Variants in NCALD observed in about 807,000 individuals in gnomAD.
The protein encoded by NCALD is neurocalcin-delta.
Under a neutral mutation model 18.6 loss-of-function variants are expected in NCALD, and 10 were observed. That is an observed-to-expected ratio of 0.54 (90% CI 0.33 to 0.91). The LOEUF (loss-of-function observed/expected upper bound fraction) is 0.91, where lower values mean the gene tolerates loss of function less well. Among genes scored for constraint, NCALD ranks in the 40% least tolerant of loss-of-function variants. The pLI is 0.03. For missense variants in NCALD, 184 were observed against 247.6 expected, an observed-to-expected ratio of 0.74 and a Z score of 1.72; for synonymous variants, 88 against 87.4, an observed-to-expected ratio of 1.01 and a Z score of -0.04.
At chr8:101,855,465 T>C (rs1815275790) in intron 4 of NCALD, among the ~76,000 whole-genome samples, 1 of 152,172 alleles carries the variant, frequency 6.6e-6, no homozygotes, top group South Asian at 2.1e-4. Flanking sequence ...GAGGATTTCA[T>C]GTGAGTGAGA....
rs1342011083 is a variant in NCALD at position 101,804,406 on chromosome 8, C to T, written c.-20+82735G>A. Among the ~76,000 whole-genome samples the T allele has an allele frequency of 1.6e-3, 185 of 113,216 alleles. 2 individuals carry two copies. The highest frequency in any genetic ancestry group is 7.0e-3 in the African/African-American group (179 of 25,604). The allele number at this position is 113,216 out of a possible 152,430, so 74.3% of individuals were successfully genotyped here. ...ACTATATATAGAAATATATATATTTCTAAATATATACTATTTATAACTGTA... is the reference window on the plus strand; with the variant it reads ...ACTATATATAGAAATATATATATTTTTAAATATATACTATTTATAACTGTA... On this transcript the variant is annotated intron_variant, in intron 4 of 6. Transcript: ENST00000311028.
At chr8:101,899,898 A>G (rs1457383579) in intron 3 of NCALD, among the ~76,000 whole-genome samples, 2 of 151,838 alleles carry the variant, frequency 1.3e-5, no homozygotes, top group African/African-American at 2.4e-5. Flanking sequence ...GAATTGGGAA[A>G]TATTTCCTCA....
intron 2 of NCALD, among the ~76,000 whole-genome samples, chr8:102,003,111 A>G (rs1821543876): frequency 6.6e-6 from 1 of 152,200 alleles, no homozygotes. Context: ...TGAAAAGATC[A>G]ACAAAATTGA....
At chr8:101,690,611 C>A (rs1814684411) in intron 3 of NCALD, 10 of 985,352 alleles carry the variant, frequency 1.0e-5, no homozygotes, top group Non-Finnish European at 1.2e-5. Flanking sequence ...ATCTTCTCCT[C>A]AGCCACAACT....
chr8:101,700,686 G>C (rs1409153730), intron 2 of NCALD, among the ~76,000 whole-genome samples: 2 of 152,122 alleles, frequency 1.3e-5, no homozygotes, highest in Non-Finnish European at 2.9e-5. Context: ...ATGAATGAAA[G>C]CTCAAGCAAG....
intron 1 of NCALD, among the ~76,000 whole-genome samples, chr8:102,084,905 C>T (rs921795119): frequency 6.6e-6 from 1 of 152,128 alleles, no homozygotes; most frequent in Admixed American, 6.6e-5. Context: ...CTGACTTTCC[C>T]GGTTGGGTTG....
In NCALD at chr8:102,045,428, G is replaced by A. The variant is rs546871812; in HGVS notation, c.-209-25139C>T. On this transcript the variant is annotated intron_variant, in intron 1 of 6. Transcript: ENST00000311028. ...GCTTATGAAAATGAAATTAGAAAAC[G>A]CTTACATTTTATTCTTTATTACATA... Among the ~76,000 whole-genome samples the A allele has an allele frequency of 3.0e-3, 460 of 152,162 alleles. 2 individuals are homozygous for A. Among genetic ancestry groups the A allele is most frequent in the Non-Finnish European group, 5.0e-3 (343 of 68,014 alleles).
At chr8:102,060,258 G>C (rs1307192450) in intron 1 of NCALD, among the ~76,000 whole-genome samples, 1 of 152,174 alleles carries the variant, frequency 6.6e-6, no homozygotes, top group Non-Finnish European at 1.5e-5. Flanking sequence ...TGGGATTACA[G>C]GCATGAGCCA....
chr8:102,024,550 C>T (rs765813923), intron 1 of NCALD, among the ~76,000 whole-genome samples: 16 of 152,190 alleles, frequency 1.1e-4, no homozygotes, highest in African/African-American at 1.7e-4. Context: ...CCTTCTCTTG[C>T]TATCCGTTTC....
intron 3 of NCALD, among the ~76,000 whole-genome samples, chr8:101,905,327 G>A (rs188818053): frequency 6.6e-6 from 1 of 151,294 alleles, no homozygotes; most frequent in African/African-American, 2.4e-5. Flanking sequence ...TTCCCTGGGG[G>A]TATTTTTTTG....
intron 4 of NCALD, among the ~76,000 whole-genome samples, chr8:101,873,189 A>G (rs1364014658): frequency 6.6e-6 from 1 of 152,224 alleles, no homozygotes; most frequent in Non-Finnish European, 1.5e-5. Context: ...GGGAAGGCTT[A>G]GTCATTTCTG....
chr8:101,932,979 C>T (rs1818632467), intron 2 of NCALD, among the ~76,000 whole-genome samples: 1 of 152,162 alleles, frequency 6.6e-6, no homozygotes, highest in African/African-American at 2.4e-5. Context: ...CTAGAAATAG[C>T]ATTGATAGCA....
intron 1 of NCALD, among the ~76,000 whole-genome samples, chr8:102,075,075 GA>G (rs1269172243): frequency 4.2e-4 from 64 of 152,296 alleles, no homozygotes; most frequent in Non-Finnish European, 4.4e-5. Flanking sequence ...ATATTGGTCA[GA>G]ACTGTGTCCC....
intron 2 of NCALD, among the ~76,000 whole-genome samples, chr8:101,714,417 T>C (rs887869656): frequency 6.6e-6 from 1 of 151,946 alleles, no homozygotes; most frequent in Non-Finnish European, 1.5e-5. Flanking sequence ...ATAAAATACC[T>C]AGGAATACAA....
chr8:101,748,890 C>T (rs1272733989), intron 1 of NCALD, among the ~76,000 whole-genome samples: 2 of 152,184 alleles, frequency 1.3e-5, no homozygotes, highest in East Asian at 1.9e-4. Context: ...CCAGGTTAGG[C>T]TCTCTCAAGG....
intron 4 of NCALD, among the ~76,000 whole-genome samples, chr8:101,837,217 C>T (rs1440320677): frequency 6.6e-6 from 1 of 152,198 alleles, no homozygotes; most frequent in African/African-American, 2.4e-5. Flanking sequence ...ACAGCTGGCA[C>T]TCTCCCTGTG....
chr8:102,101,138 A>G (rs945043993), intron 1 of NCALD, among the ~76,000 whole-genome samples: 1 of 152,228 alleles, frequency 6.6e-6, no homozygotes, highest in Non-Finnish European at 1.5e-5. Context: ...TGGGCACGTG[A>G]AGCCAGTCAG....
intron 2 of NCALD, among the ~76,000 whole-genome samples, chr8:102,004,267 C>A (rs921462340): frequency 6.6e-6 from 1 of 152,210 alleles, no homozygotes; most frequent in South Asian, 2.1e-4. Flanking sequence ...CATGAGTGAA[C>A]TCCCATTCAC....
At chr8:101,714,100 C>G (rs1268724655) in intron 2 of NCALD, among the ~76,000 whole-genome samples, 1 of 152,210 alleles carries the variant, frequency 6.6e-6, no homozygotes, top group Non-Finnish European at 1.5e-5. Context: ...GATGCCCTCT[C>G]TCACCATTCC....
Sources: allele counts gnomAD v4.1 joint callset (sites outside exome capture counted in the v4.1 genomes callset), GRCh38; gene constraint gnomAD v4.1.1; transcripts MANE v1.5; gene names NCBI Gene and HGNC (gene_info 2026-07-23, HGNC 2026-07-21).